Variants in EXOC6 observed in about 807,000 individuals in gnomAD.
EXOC6 encodes exocyst complex component 6, also known as SEC15-like 1.
In EXOC6, 60 loss-of-function variants were observed where a neutral mutation model predicts 112.5. The ratio of observed to expected loss-of-function variants is 0.53; its 90% CI spans 0.43 to 0.66. The LOEUF (loss-of-function observed/expected upper bound fraction) is 0.66, where lower values mean the gene tolerates loss of function less well. Among genes scored for constraint, EXOC6 ranks in the 30% least tolerant of loss-of-function variants. EXOC6 has a pLI of 0.00. For missense variants in EXOC6, 855 were observed against 957.1 expected, an observed-to-expected ratio of 0.89 and a Z score of 1.41; for synonymous variants, 295 against 308.0, an observed-to-expected ratio of 0.96 and a Z score of 0.44.
intron 21 of EXOC6, 37 bp downstream of exon 21, chr10:93,057,073 A>G (rs1846577312): frequency 9.0e-7 from 1 of 1,116,730 alleles, no homozygotes; most frequent in East Asian, 2.6e-5. Context: ...ATAACATTTT[A>G]GCACCTTTTG....
chr10:93,034,919 A>G (rs1274830815), intron 20 of EXOC6, among the ~76,000 whole-genome samples: 1 of 152,204 alleles, frequency 6.6e-6, no homozygotes, highest in African/African-American at 2.4e-5. Flanking sequence ...GGATTTGCCA[A>G]AGTTGTAGTA....
rs112360123 is a variant in EXOC6 at position 92,901,836 on chromosome 10, G to GAA, written c.458+2206_458+2207dup. Reference sequence around the variant, plus strand: ...CGTATGGTAAAACCCCATCTCTACTGAAAAAAAAAAAAAAATAGCTGAGCG... The same window carrying GAA: ...CGTATGGTAAAACCCCATCTCTACTGAAAAAAAAAAAAAAAAATAGCTGAGCG... On this transcript the variant is annotated intron_variant, in intron 5 of 21. Coordinates refer to ENST00000260762, the MANE Select transcript of EXOC6 (RefSeq NM_019053.6). 1.1e-3 allele frequency: 125 copies of GAA among 115,296 alleles called. 1 individual carries two copies. The highest frequency in any genetic ancestry group is 2.8e-3 in the Admixed American group (30 of 10,772). The allele number at this position is 115,296 out of a possible 1,614,324, so 7.1% of individuals were successfully genotyped here.
intron 20 of EXOC6, among the ~76,000 whole-genome samples, chr10:93,049,653 C>T (rs746837660): frequency 2.6e-5 from 4 of 152,156 alleles, no homozygotes; most frequent in Non-Finnish European, 5.9e-5. Flanking sequence ...GTTCATTGCT[C>T]ACTGCAGCCT....
At chr10:92,839,177 T>C (rs1307912371) in intron 1 of EXOC6, among the ~76,000 whole-genome samples, 1 of 152,160 alleles carries the variant, frequency 6.6e-6, no homozygotes, top group Admixed American at 6.5e-5. Flanking sequence ...GCCCTGGGCA[T>C]CATTGTTTTC....
At position 92,972,494 on chromosome 10, in the gene EXOC6, A is replaced by T. The variant is rs116951777; in HGVS notation, c.1774-1559A>T. On this transcript the variant is annotated intron_variant, in intron 17 of 21. Transcript: ENST00000260762. ...AAATATTCATGATGATTCCTGGAAAAAGGTGGAATTTTTTTTGGAACTGTG... is the reference window on the plus strand; with the variant it reads ...AAATATTCATGATGATTCCTGGAAATAGGTGGAATTTTTTTTGGAACTGTG... 6.1e-3 allele frequency among the ~76,000 whole-genome samples: 925 copies of T among 152,010 alleles called. 7 individuals carry two copies. The highest frequency in any genetic ancestry group is 0.024 in the Middle Eastern group (7 of 294).
At chr10:92,967,300 A>G (rs1564870532) in intron 17 of EXOC6, among the ~76,000 whole-genome samples, 1 of 152,018 alleles carries the variant, frequency 6.6e-6, no homozygotes, top group Non-Finnish European at 1.5e-5. Flanking sequence ...TGATGGTGTG[A>G]ATGGTTTTGT....
intron 19 of EXOC6, among the ~76,000 whole-genome samples, chr10:92,998,582 A>G (rs1476881136): frequency 6.6e-6 from 1 of 151,068 alleles, no homozygotes; most frequent in Non-Finnish European, 1.5e-5. Context: ...TATTATAGAA[A>G]ATAATTAGAT....
Position 92,909,533 on chromosome 10 carries a change from C to T in EXOC6, c.565C>T (p.Arg189Cys), listed in dbSNP as rs757442470. ...QLMIENLPKL[R>C]EDIKEISMSD... ...CATGATAGAAAATCTTCCCAAACTC[C>T]GTGAGGATATTAAAGAAATCTCCAT... Residue 189 changes from arginine to cysteine, a missense_variant, in exon 6 of 22, where the codon CGT (arginine) becomes TGT (cysteine). Physicochemically the swap from Arg to Cys is radical, Grantham distance 180 (BLOSUM62 -3). Coordinates refer to ENST00000260762, the MANE Select transcript of EXOC6 (RefSeq NM_019053.6). 14 of 1,613,094 alleles carry T rather than the reference C, an allele frequency of 8.7e-6. No individual in the cohort carries two copies. The highest frequency in any genetic ancestry group is 4.4e-5 in the South Asian group (4 of 91,032).
chr10:92,998,297 A>C (rs1188992224), intron 19 of EXOC6, among the ~76,000 whole-genome samples: 1 of 152,206 alleles, frequency 6.6e-6, no homozygotes. Context: ...CAGTGCTTTC[A>C]AATAAGTGGT....
chr10:93,055,446 G>A (rs1223243759), intron 20 of EXOC6, among the ~76,000 whole-genome samples: 2 of 152,064 alleles, frequency 1.3e-5, no homozygotes, highest in African/African-American at 4.8e-5. Flanking sequence ...CAAGAAGTAG[G>A]ATTGCTGAAT....
At chr10:93,014,311 T>C in intron 20 of EXOC6, 44 bp downstream of exon 20, 2 of 1,467,720 alleles carry the variant, frequency 1.4e-6, no homozygotes, top group Non-Finnish European at 1.9e-6. Context: ...CCTCTAACTC[T>C]TGCCCTCCCC....
chr10:92,915,612 A>G lies in EXOC6; in HGVS notation c.664-146A>G, dbSNP rs559526221. ...TAAAAAAAGGAAATGAGAAGGCAAAAATCATGAATAAGAAAGGAGACATCA... is the reference window on the plus strand; with the variant it reads ...TAAAAAAAGGAAATGAGAAGGCAAAGATCATGAATAAGAAAGGAGACATCA... On this transcript the variant is annotated intron_variant, in intron 6 of 21. Transcript: ENST00000260762. 8.1e-6 allele frequency: 3 copies of G among 371,502 alleles called. No individual in the cohort carries two copies. The South Asian group carries it at 3.0e-4, about 37-fold the overall frequency. 23.0% of individuals were successfully genotyped at this position (371,502 alleles called of 1,614,324 possible).
chr10:92,918,956 G>T (rs990026683), intron 7 of EXOC6, among the ~76,000 whole-genome samples: 1 of 152,146 alleles, frequency 6.6e-6, no homozygotes, highest in African/African-American at 2.4e-5. Flanking sequence ...TCCTAATGTG[G>T]AATTAGTATG....
intron 4 of EXOC6, among the ~76,000 whole-genome samples, chr10:92,896,175 ATATATATTTTTTTTTTTTTTTTTTTT>A (rs1564810052): frequency 0.016 from 326 of 20,508 alleles, 30 homozygotes; most frequent in African/African-American, 0.063. Flanking sequence ...ATATATATAT[ATATATATTTTTTTTTTTTTTTTTTTT>A]TTTTTTTTTT....
chr10:92,890,680 A>G (rs1009445754), intron 1 of EXOC6, among the ~76,000 whole-genome samples: 4 of 152,042 alleles, frequency 2.6e-5, no homozygotes, highest in Admixed American at 6.6e-5. Context: ...CTGTCTGCCT[A>G]TCTATCTCTG....
intron 20 of EXOC6, among the ~76,000 whole-genome samples, chr10:93,019,294 G>T (rs980972317): frequency 8.6e-5 from 13 of 152,018 alleles, no homozygotes; most frequent in African/African-American, 2.2e-4. Flanking sequence ...ATGATTTTTT[G>T]TTGACTTTTT....
Position 93,056,914 on chromosome 10 carries a change from T to A in EXOC6, c.2170-10T>A. The A allele has an allele frequency of 1.3e-6, 2 of 1,498,010 alleles. No homozygotes were observed. Among genetic ancestry groups the A allele is most frequent in the Admixed American group, 3.6e-5 (2 of 55,558 alleles). 92.8% of individuals were successfully genotyped at this position (1,498,010 alleles called of 1,614,324 possible). A position where few individuals can be genotyped will look rare whatever the true frequency, so the allele number is the denominator to read the frequency against. ...AAAAGTTGATTTAACATTTCCCCCA[T>A]CTTTCGCAGCTCCTTGACCTGTTTA... On this transcript the variant is annotated splice_polypyrimidine_tract_variant and intron_variant, in intron 20 of 21. Transcript: ENST00000260762.
At chr10:93,010,796 A>G (rs1844203540) in intron 19 of EXOC6, among the ~76,000 whole-genome samples, 1 of 151,926 alleles carries the variant, frequency 6.6e-6, no homozygotes, top group South Asian at 2.1e-4. Context: ...TTTCAGTTGC[A>G]AGATTTTATG....
intron 18 of EXOC6, 72 bp downstream of exon 18, chr10:92,974,304 T>C: frequency 1.9e-6 from 2 of 1,066,190 alleles, no homozygotes; most frequent in Non-Finnish European, 2.6e-6. Context: ...TAGTTTGAGG[T>C]TTCCTTGCTT....
Sources: gnomAD v4.1 joint callset for allele counts (sites outside exome capture counted in the v4.1 genomes callset) on GRCh38, gnomAD v4.1.1 for gene constraint, MANE v1.5 for transcripts, NCBI Gene and HGNC (gene_info 2026-07-23, HGNC 2026-07-21) for gene names.